The following GOLGB1 variants were observed in gnomAD, a reference collection of about 807,000 sequenced individuals.
GOLGB1 encodes golgin B1.
GOLGB1 carries 174 observed loss-of-function variants against 336.9 expected under a neutral mutation model. The observed-to-expected ratio is 0.52, with a 90% CI of 0.46 to 0.59. The LOEUF (loss-of-function observed/expected upper bound fraction) is 0.59. GOLGB1 is among the 20% of genes least tolerant of loss of function. The pLI is 0.00. For synonymous variants in GOLGB1, 1,208 were observed against 1,289.2 expected (o/e 0.94, Z 1.35); for missense variants, 3,331 against 3,645.3 (o/e 0.91, Z 2.22).
intron 1 of GOLGB1, among the ~76,000 whole-genome samples, chr3:121,733,631 CAT>C (rs768984526): frequency 6.6e-6 from 1 of 152,148 alleles, no homozygotes; most frequent in Non-Finnish European, 1.5e-5. Context: ...GACTCTAAAA[CAT>C]ATGAAAAGGC....
chr3:121,724,784 C>T lies in GOLGB1; in HGVS notation c.531+2129G>A, dbSNP rs563613197. On this transcript the variant is annotated intron_variant, in intron 5 of 21. Coordinates refer to ENST00000614479, the MANE Select transcript of GOLGB1 (RefSeq NM_001366282.2). ...AAGGCTGCCCCAACAGCCCCCATCA[C>T]AGGCCCAAAGCCCTAAGAGGACAGA... 2.0e-5 allele frequency among the ~76,000 whole-genome samples: 3 copies of T among 152,336 alleles called. No individual in the cohort carries two copies. The South Asian group carries it at 6.2e-4, about 32-fold the overall frequency.
intron 10 of GOLGB1, among the ~76,000 whole-genome samples, chr3:121,712,751 A>G (rs1404102698): frequency 2.0e-5 from 3 of 152,206 alleles, no homozygotes; most frequent in African/African-American, 7.2e-5. Context: ...TTAAACCACA[A>G]TGAAATACCA....
In GOLGB1 at chr3:121,693,728, A is replaced by T; in HGVS notation, c.6782+13T>A. The T allele has an allele frequency of 6.4e-7, 1 of 1,566,450 alleles. No individual in the cohort carries two copies. The highest frequency in any genetic ancestry group is 2.3e-5 in the East Asian group (1 of 44,432). On this transcript the variant is annotated intron_variant, in intron 13 of 21. Coordinates refer to ENST00000614479, the MANE Select transcript of GOLGB1 (RefSeq NM_001366282.2). ...GTTACCTCTGGAGGAGGAAAAATTCACTACTCATTTACCTGGAAATGTTAA... is the reference window on the plus strand; with the variant it reads ...GTTACCTCTGGAGGAGGAAAAATTCTCTACTCATTTACCTGGAAATGTTAA...
intron 1 of GOLGB1, among the ~76,000 whole-genome samples, chr3:121,742,606 A>G (rs937903377): frequency 6.6e-6 from 1 of 152,242 alleles, no homozygotes; most frequent in African/African-American, 2.4e-5. Flanking sequence ...AAAAAAGCCA[A>G]AATAGACAAA....
chr3:121,669,421 TGAG>T (rs2107555848), intron 17 of GOLGB1, 66 bp from the exon 18 acceptor site: 1 of 1,312,064 alleles, frequency 7.6e-7, no homozygotes, highest in East Asian at 2.5e-5. Context: ...TGAAATGTTC[TGAG>T]TTTTCAGGAT....
At chr3:121,748,851 TTAAA>T in intron 1 of GOLGB1, 1 of 983,710 alleles carries the variant, frequency 1.0e-6, no homozygotes, top group Non-Finnish European at 1.2e-6. Context: ...CTGGAGCTCT[TTAAA>T]TAAGTCAGAC....
intron 4 of GOLGB1, among the ~76,000 whole-genome samples, chr3:121,728,668 C>T (rs1024177418): frequency 4.6e-5 from 7 of 152,184 alleles, no homozygotes; most frequent in Non-Finnish European, 1.0e-4. Context: ...TTGTTGGCTG[C>T]AGTCATAAAC....
chr3:121,709,105 G>T (rs1168092171), intron 10 of GOLGB1, among the ~76,000 whole-genome samples: 1 of 152,102 alleles, frequency 6.6e-6, no homozygotes, highest in African/African-American at 2.4e-5. Flanking sequence ...TACAGATAGA[G>T]TAACATTTTG....
chr3:121,746,605 G>A (rs1420437771), intron 1 of GOLGB1, among the ~76,000 whole-genome samples: 1 of 152,098 alleles, frequency 6.6e-6, no homozygotes, highest in Non-Finnish European at 1.5e-5. Context: ...AGCCTCCCCA[G>A]TAGCTGGGAT....
intron 9 of GOLGB1, 63 bp downstream of exon 9, chr3:121,716,674 A>T: frequency 7.7e-7 from 1 of 1,293,282 alleles, no homozygotes; most frequent in Non-Finnish European, 1.1e-6. Flanking sequence ...GATCCCTGAA[A>T]ATATGAAATA....
chr3:121,711,672 G>A (rs1944366921), intron 10 of GOLGB1, among the ~76,000 whole-genome samples: 1 of 152,160 alleles, frequency 6.6e-6, no homozygotes, highest in East Asian at 1.9e-4. Context: ...AAATTCAGTT[G>A]TATACTTACA....
Position 121,691,809 on chromosome 3 carries a change from C to T in GOLGB1, c.7555G>A (p.Gly2519Ser), listed in dbSNP as rs767361612. Residue 2519 changes from glycine to serine, a missense_variant, in exon 14 of 22, where the codon GGC becomes AGC. Gly to Ser is a moderately conservative substitution (Grantham distance 56). Transcript: ENST00000614479. Reference protein sequence around the residue: ...ENNKLKEEIRGLRSHMDDLNS... With the variant: ...ENNKLKEEIRSLRSHMDDLNS... ...AGATCATCCATATGACTTCTCAAGC[C>T]TCGTATTTCTTCTTTAAGCTTATTA... The T allele has an allele frequency of 6.2e-7, 1 of 1,613,842 alleles. No individual in the cohort carries two copies. Among genetic ancestry groups the T allele is most frequent in the Admixed American group, 1.7e-5 (1 of 59,994 alleles).
At chr3:121,688,343 G>A (rs1013793554) in intron 14 of GOLGB1, among the ~76,000 whole-genome samples, 8 of 152,186 alleles carry the variant, frequency 5.3e-5, no homozygotes, top group Non-Finnish European at 1.0e-4. Context: ...GCGCCGCCAC[G>A]CCTGACTGGT....
chr3:121,674,581 A>G (rs1483353179), intron 17 of GOLGB1, among the ~76,000 whole-genome samples: 1 of 152,230 alleles, frequency 6.6e-6, no homozygotes. Context: ...AAACCTGAAC[A>G]TCTGAAGAAA....
intron 1 of GOLGB1, among the ~76,000 whole-genome samples, chr3:121,733,287 C>CAAAAAAA (rs35457720): frequency 1.5e-5 from 1 of 64,634 alleles, no homozygotes; most frequent in Non-Finnish European, 2.7e-5. Context: ...TGCTCCGTCT[C>CAAAAAAA]AAAAAAAAAA....
chr3:121,704,319 A>T (rs758071923), intron 10 of GOLGB1, among the ~76,000 whole-genome samples: 4 of 152,184 alleles, frequency 2.6e-5, no homozygotes, highest in Non-Finnish European at 5.9e-5. Context: ...GAAAATGACA[A>T]AGAAAACTAT....
intron 5 of GOLGB1, among the ~76,000 whole-genome samples, chr3:121,722,789 T>C (rs998583432): frequency 1.7e-4 from 26 of 152,230 alleles, no homozygotes; most frequent in African/African-American, 6.3e-4. Flanking sequence ...TGAAATCTGA[T>C]GGGTCTGAGA....
chr3:121,675,587 G>A (rs1940265293), intron 17 of GOLGB1, among the ~76,000 whole-genome samples: 2 of 152,200 alleles, frequency 1.3e-5, no homozygotes, highest in South Asian at 4.1e-4. Context: ...CCATTTATAT[G>A]TAGTTCTAAG....
chr3:121,728,986 C>G (rs1945871593), intron 4 of GOLGB1: 6 of 389,450 alleles, frequency 1.5e-5, no homozygotes, highest in Admixed American at 8.9e-5. Context: ...CATTTCATAT[C>G]CATGTTTTCT....
Sources: gnomAD v4.1 joint callset for allele counts (sites outside exome capture counted in the v4.1 genomes callset) on GRCh38, gnomAD v4.1.1 for gene constraint, MANE v1.5 for transcripts, NCBI Gene and HGNC (gene_info 2026-07-23, HGNC 2026-07-21) for gene names.